Variants in VWDE observed in about 807,000 individuals in gnomAD.
VWDE encodes the protein von Willebrand factor D and EGF domain-containing protein.
A neutral mutation model predicts 178.4 loss-of-function variants in VWDE; 207 were observed. The ratio of observed to expected loss-of-function variants is 1.16; its 90% confidence interval spans 1.04 to 1.30. The LOEUF is 1.30. VWDE is among the 50% of genes most tolerant of loss of function. The probability of loss-of-function intolerance (pLI) is 0.00; values close to 1 mark genes in which losing one functional copy is unlikely to be tolerated. For synonymous variants in VWDE, 738 were observed against 651.4 expected, an observed-to-expected ratio of 1.13 and a Z score of -2.02; for missense variants, 2,287 against 1,901.3, an observed-to-expected ratio of 1.20 and a Z score of -3.77.
Position 12,343,102 on chromosome 7 carries a change from T to C in VWDE, c.4155A>G (p.Val1385=). 2 of 1,549,546 alleles carry C rather than the reference T, an allele frequency of 1.3e-6. No individual in the cohort carries two copies. Among genetic ancestry groups the C allele is most frequent in the South Asian group, 1.2e-5 (1 of 83,974 alleles). Residue 1385 remains valine, a synonymous_variant, in exon 22 of 29, where the codon GTA becomes GTG. Transcript: ENST00000275358. ...GNLCTCPYGF[V]GPRCETMVCN... ...GCTTACTTGTTTCACACCTTGGTCC[T>C]ACAAAACCATAAGGACAAGTGCAGA... is the stretch of plus-strand genomic sequence containing the variant.
intron 13 of VWDE, among the ~76,000 whole-genome samples, chr7:12,365,699 A>T (rs766741172): frequency 2.1e-4 from 32 of 152,218 alleles, no homozygotes; most frequent in Non-Finnish European, 4.3e-4. Flanking sequence ...AAATAGTGGC[A>T]CATTAAACAG....
intron 23 of VWDE, 98 bp from the exon 24 acceptor site, chr7:12,340,515 AT>A: frequency 1.2e-6 from 1 of 813,504 alleles, no homozygotes; most frequent in African/African-American, 1.7e-5. Context: ...GAAATATTTT[AT>A]TTTTACTGCA....
Position 12,370,200 on chromosome 7 carries a change from T to C in VWDE, c.2106A>G (p.Ile702Met), listed in dbSNP as rs73300513. The C allele has an allele frequency of 3.0e-3, 4,629 of 1,551,308 alleles. 115 individuals are homozygous for C. In the African/African-American group the frequency reaches 0.056, roughly 19 times the overall value. ...CATTTAAGCCGAGTTTAGTCAGGTT[T>C]ATGTGTTTTTTTTCTTGCAGAAATA... ...LNLFLQEKKH[I>M]NLTKLGLNVQ... Residue 702 changes from isoleucine to methionine, a missense_variant, in exon 12 of 29, where the codon ATA (isoleucine) becomes ATG (methionine). Physicochemically the swap from Ile to Met is conservative, Grantham distance 10. Transcript: ENST00000275358.
chr7:12,371,965 T>C (rs1212376138), intron 10 of VWDE, among the ~76,000 whole-genome samples: 1 of 152,116 alleles, frequency 6.6e-6, no homozygotes, highest in Non-Finnish European at 1.5e-5. Context: ...GTAAAATTTC[T>C]TGGCAAAATG....
chr7:12,342,217 T>G (rs1781373805), intron 22 of VWDE, 63 bp from the exon 23 acceptor site: 1 of 1,333,032 alleles, frequency 7.5e-7, no homozygotes, highest in Non-Finnish European at 1.0e-6. Flanking sequence ...TGTTGGTTAT[T>G]ATCTAGCTAG....
intron 21 of VWDE, among the ~76,000 whole-genome samples, chr7:12,343,986 T>C (rs766510952): frequency 8.5e-4 from 130 of 152,230 alleles, no homozygotes; most frequent in Non-Finnish European, 1.6e-3. Flanking sequence ...CTATTGCCCC[T>C]TGAATCTCTG....
At chr7:12,369,456 G>C (rs1465380191) in intron 12 of VWDE, 89 bp downstream of exon 12, 1 of 1,403,898 alleles carries the variant, frequency 7.1e-7, no homozygotes, top group Non-Finnish European at 9.4e-7. Context: ...AATAAACACT[G>C]TTAGGATACT....
rs1289296520 is a variant in VWDE, at chr7:12,340,406, G to C, written c.4282C>G (p.Pro1428Ala). 1 of 1,550,726 alleles carries C rather than the reference G, an allele frequency of 6.4e-7. No individual in the cohort carries two copies. The highest frequency in any genetic ancestry group is 2.0e-5 in the Admixed American group (1 of 50,880). Residue 1428 changes from proline (P) to alanine (A), a missense_variant, in exon 24 of 29, where the codon CCT becomes GCT. Physicochemically the swap from Pro to Ala is conservative, Grantham distance 27 (BLOSUM62 -1). Transcript: ENST00000275358. ...CACGAACCACCATTGAGGCAGACAG[G>C]GTCGCACAAAGCTAATAAACAGCAG... ...GPTCSTALCDPVCLNGGSCNK... is the reference protein window; with the variant it reads ...GPTCSTALCDAVCLNGGSCNK...
intron 13 of VWDE, among the ~76,000 whole-genome samples, chr7:12,363,707 G>A (rs1782702712): frequency 6.6e-6 from 1 of 151,830 alleles, no homozygotes; most frequent in Admixed American, 6.6e-5. Context: ...CAGATGACAG[G>A]GATGACAAGA....
intron 24 of VWDE, among the ~76,000 whole-genome samples, chr7:12,340,078 C>T (rs937463574): frequency 6.6e-6 from 1 of 152,126 alleles, no homozygotes; most frequent in Admixed American, 6.5e-5. Flanking sequence ...CTTGGGCCTA[C>T]AAAGCTGCAC....
chr7:12,352,098 A>C (rs546336792), intron 18 of VWDE, among the ~76,000 whole-genome samples: 2 of 152,294 alleles, frequency 1.3e-5, no homozygotes, highest in South Asian at 4.1e-4. Flanking sequence ...GAGATATCTC[A>C]CCACAAACCA....
At chr7:12,396,101 C>G (rs1230553728) in intron 1 of VWDE, among the ~76,000 whole-genome samples, 1 of 152,062 alleles carries the variant, frequency 6.6e-6, no homozygotes, top group Non-Finnish European at 1.5e-5. Flanking sequence ...ATTTCATATA[C>G]TTTGGAAGAA....
chr7:12,370,095 G>T lies in VWDE; in HGVS notation c.2211C>A (p.Ser737Arg). 2 of 1,551,530 alleles carry T rather than the reference G, an allele frequency of 1.3e-6. No individual in the cohort carries two copies. Among genetic ancestry groups the T allele is most frequent in the Non-Finnish European group, 1.7e-6 (2 of 1,146,896 alleles). The change falls in exon 12 of 29, where the codon AGC becomes AGA. Residue 737 changes from serine (S) to arginine (R), a missense_variant. Ser to Arg is a moderately radical substitution (Grantham distance 110). Transcript: ENST00000275358. ...GATTGTACCTCATTTCTTGGCTGTG[G>T]CTTCCCCGGCCTTGTGTATATTTCT... ...ANKKYTQGRG[S>R]HSQEMRYNRQ...
Position 12,375,149 on chromosome 7 carries a change from C to A in VWDE, c.1103G>T (p.Gly368Val). ...GTACACAAAAGTGTGGCTACAGGTT[C>A]CATTAGCACAGGAAGATGTCTGGAG... is the stretch of plus-strand genomic sequence containing the variant. ...DLLQTSSCAN[G>V]TCSHTFVYYT... Residue 368 changes from glycine to valine, a missense_variant, in exon 8 of 29, where the codon GGA becomes GTA. By Grantham distance (109) the Gly-to-Val change is moderately radical. Coordinates refer to ENST00000275358, the MANE Select transcript of VWDE (RefSeq NM_001135924.3). 3 of 1,551,204 alleles carry A rather than the reference C, an allele frequency of 1.9e-6. No individual in the cohort carries two copies. The highest frequency in any genetic ancestry group is 2.6e-6 in the Non-Finnish European group (3 of 1,146,656).
chr7:12,354,167 A>G (rs1562477206), intron 18 of VWDE: 1 of 246,722 alleles, frequency 4.1e-6, no homozygotes, highest in Non-Finnish European at 8.0e-6. Context: ...CTGCTGTTAC[A>G]CTCTACCTAT....
Position 12,340,398 on chromosome 7 carries a change from GC to G in VWDE, c.4289del (p.Cys1430SerfsTer40). The stretch of plus-strand genomic sequence containing the variant: ...GCTTATTACACGAACCACCATTGAG[GC>G]AGACAGGGTCGCACAAAGCTAATAA... ...TCSTALCDPV[C>X]LNGGSCNKPN... On this transcript the variant is annotated frameshift_variant, in exon 24 of 29. Coordinates refer to ENST00000275358, the MANE Select transcript of VWDE (RefSeq NM_001135924.3). LOFTEE classifies it high-confidence loss of function. 1 of 1,551,314 alleles carries G rather than the reference GC, an allele frequency of 6.4e-7. No homozygotes were observed.
chr7:12,331,716 A>G (rs911474725), intron 28 of VWDE, among the ~76,000 whole-genome samples: 1 of 152,142 alleles, frequency 6.6e-6, no homozygotes, highest in African/African-American at 2.4e-5. Flanking sequence ...TTAATGCCAT[A>G]TTGCAGATGA....
intron 18 of VWDE, 84 bp from the exon 19 acceptor site, chr7:12,351,797 G>T: frequency 8.2e-7 from 1 of 1,216,006 alleles, no homozygotes; most frequent in Non-Finnish European, 1.1e-6. Flanking sequence ...CAATACAAAC[G>T]CCACTTGGAT....
In VWDE at chr7:12,400,356, C is replaced by A. The variant is rs186604324; in HGVS notation, c.58+3303G>T. 5.8e-3 allele frequency among the ~76,000 whole-genome samples: 888 copies of A among 152,042 alleles called. 11 individuals are homozygous for A. Among genetic ancestry groups the A allele is most frequent in the South Asian group, 0.031 (151 of 4,822 alleles). Reference sequence around the variant, plus strand: ...TATGGAGAAAAGAAGAGAGAAGATTCAAATGACAAGAAGCAGGAATGAAAT... The same window carrying A: ...TATGGAGAAAAGAAGAGAGAAGATTAAAATGACAAGAAGCAGGAATGAAAT... On this transcript the variant is annotated intron_variant, in intron 1 of 28. Transcript: ENST00000275358.
Sources: allele counts gnomAD v4.1 joint callset (sites outside exome capture counted in the v4.1 genomes callset), GRCh38; gene constraint gnomAD v4.1.1; transcripts MANE v1.5; gene names NCBI Gene and HGNC (gene_info 2026-07-23, HGNC 2026-07-21).